The following DLGAP1 variants were observed in gnomAD, a reference collection of about 807,000 sequenced individuals.
DLGAP1 encodes DLG associated protein 1.
A neutral mutation model predicts 90.8 loss-of-function variants in DLGAP1; 11 were observed. The ratio of observed to expected loss-of-function variants is 0.12; its 90% CI spans 0.08 to 0.20. The LOEUF is 0.20. Ranked by LOEUF, DLGAP1 falls within the 10% of genes least tolerant of loss-of-function variation. The probability of loss-of-function intolerance (pLI) is 1.00; values close to 1 mark genes in which losing one functional copy is unlikely to be tolerated. For missense variants in DLGAP1, 1,050 were observed against 1,333.8 expected (o/e 0.79, Z 3.31); for synonymous variants, 558 against 540.7 (o/e 1.03, Z -0.44).
intron 1 of DLGAP1, among the ~76,000 whole-genome samples, chr18:4,375,869 C>G (rs931334033): frequency 2.6e-5 from 4 of 151,088 alleles, no homozygotes; most frequent in Non-Finnish European, 5.9e-5. Context: ...TTAAGACTAT[C>G]CATACATCAA....
chr18:4,194,101 C>T (rs2077450251), intron 1 of DLGAP1, among the ~76,000 whole-genome samples: 1 of 152,034 alleles, frequency 6.6e-6, no homozygotes, highest in Non-Finnish European at 1.5e-5. Flanking sequence ...TACAATTAAT[C>T]CTCTCACCCA....
intron 3 of DLGAP1, among the ~76,000 whole-genome samples, chr18:3,932,585 A>C (rs954273164): frequency 1.2e-4 from 19 of 152,264 alleles, no homozygotes; most frequent in African/African-American, 4.6e-4. Flanking sequence ...ATGGGGAGAA[A>C]GTATGAAATG....
chr18:3,684,356 A>ATTTTTTTTT (rs71160911), intron 7 of DLGAP1, among the ~76,000 whole-genome samples: 1 of 109,248 alleles, frequency 9.2e-6, no homozygotes, highest in East Asian at 2.8e-4. Context: ...TGCCTGGCTA[A>ATTTTTTTTT]TTTTTTTTTT....
chr18:3,788,906 A>C (rs1463947665), intron 5 of DLGAP1, among the ~76,000 whole-genome samples: 1 of 152,268 alleles, frequency 6.6e-6, no homozygotes, highest in Admixed American at 6.5e-5. Flanking sequence ...GCTGAAAACA[A>C]ACAACAGCCA....
intron 8 of DLGAP1, among the ~76,000 whole-genome samples, chr18:3,577,519 AAAACTATC>A (rs1192629862): frequency 6.6e-6 from 1 of 152,250 alleles, no homozygotes; most frequent in Non-Finnish European, 1.5e-5. Flanking sequence ...GCGGTGGTAT[AAAACTATC>A]CAATGAAATT....
Position 4,353,209 on chromosome 18 carries a change from T to C in DLGAP1, c.-267+101797A>G, listed in dbSNP as rs1272287490. 2.6e-5 allele frequency among the ~76,000 whole-genome samples: 4 copies of C among 152,288 alleles called. No individual in the cohort carries two copies. In the East Asian group the frequency reaches 7.7e-4, roughly 29 times the overall value. ...AACACTTGGCTGTTTATCTCCTCCT[T>C]TGTTTTGCTTTGTTTTATCTTGTTC... On this transcript the variant is annotated intron_variant, in intron 1 of 12. Coordinates refer to ENST00000315677, the MANE Select transcript of DLGAP1 (RefSeq NM_004746.4).
At chr18:3,785,000 TTAAAAAAAA>T (rs1163990469) in intron 5 of DLGAP1, among the ~76,000 whole-genome samples, 4 of 152,070 alleles carry the variant, frequency 2.6e-5, no homozygotes, top group African/African-American at 9.7e-5. Context: ...ACTTCTCCCT[TTAAAAAAAA>T]TCCACCTTAC....
intron 5 of DLGAP1, among the ~76,000 whole-genome samples, chr18:3,794,526 A>G (rs2065889776): frequency 6.6e-6 from 1 of 152,238 alleles, no homozygotes; most frequent in African/African-American, 2.4e-5. Flanking sequence ...GGATGCTGTC[A>G]GTCAGCACTG....
chr18:3,814,521 C>T (rs2067002909), intron 4 of DLGAP1, among the ~76,000 whole-genome samples: 4 of 152,006 alleles, frequency 2.6e-5, no homozygotes, highest in Admixed American at 2.6e-4. Context: ...GCCACCACGC[C>T]TGGCTAATTA....
intron 3 of DLGAP1, among the ~76,000 whole-genome samples, chr18:3,980,347 T>C (rs2073699773): frequency 6.6e-6 from 1 of 152,104 alleles, no homozygotes; most frequent in African/African-American, 2.4e-5. Context: ...AGTTCCAAAC[T>C]GGAGCATAGA....
intron 3 of DLGAP1, among the ~76,000 whole-genome samples, chr18:3,952,774 T>C (rs1340002366): frequency 1.3e-5 from 2 of 152,218 alleles, no homozygotes; most frequent in Non-Finnish European, 2.9e-5. Context: ...TGAACAGTTG[T>C]CTTTATTGCT....
chr18:3,560,650 C>T (rs113983800), intron 9 of DLGAP1, among the ~76,000 whole-genome samples: 1,704 of 149,218 alleles, frequency 0.011, 149 homozygotes, highest in African/African-American at 0.04. Flanking sequence ...CAGCAAGCTG[C>T]ACATTTTTTT....
At chr18:4,325,958 A>G (rs1170929590) in intron 1 of DLGAP1, among the ~76,000 whole-genome samples, 4 of 152,216 alleles carry the variant, frequency 2.6e-5, no homozygotes, top group African/African-American at 9.6e-5. Context: ...CTTGGCAAAG[A>G]TTTCATGATG....
chr18:3,968,139 C>T (rs992968092), intron 3 of DLGAP1, among the ~76,000 whole-genome samples: 11 of 152,168 alleles, frequency 7.2e-5, no homozygotes, highest in African/African-American at 2.4e-4. Context: ...ATGAAGGAGA[C>T]ATAACTGCTC....
intron 2 of DLGAP1, among the ~76,000 whole-genome samples, chr18:4,149,118 A>C (rs747035830): frequency 6.6e-5 from 10 of 152,236 alleles, no homozygotes; most frequent in Non-Finnish European, 1.3e-4. Flanking sequence ...TAAATGAAAC[A>C]ATATAAAGCG....
Position 3,660,481 on chromosome 18 carries a change from T to C in DLGAP1, c.1591+68654A>G, listed in dbSNP as rs1368312231. 6.6e-6 allele frequency among the ~76,000 whole-genome samples: 1 copy of C among 152,208 alleles called. No individual in the cohort carries two copies. Among genetic ancestry groups the C allele is most frequent in the Non-Finnish European group, 1.5e-5 (1 of 68,036 alleles). ...CTCCTCTGCCCAGAAATTTGTAGCA[T>C]AGAGCAAACACACAAAAAATATTTA... On this transcript the variant is annotated intron_variant, in intron 7 of 12. Transcript: ENST00000315677. The surrounding 1 kb of genome is among the most constrained non-coding windows in gnomAD (Gnocchi z 4.2).
At chr18:4,082,479 C>T (rs941516832) in intron 2 of DLGAP1, among the ~76,000 whole-genome samples, 1 of 128,320 alleles carries the variant, frequency 7.8e-6, no homozygotes. Flanking sequence ...CCACTGCACT[C>T]CAGTCTGGGT....
chr18:3,548,857 C>T (rs561304108), intron 9 of DLGAP1, among the ~76,000 whole-genome samples: 7 of 151,974 alleles, frequency 4.6e-5, no homozygotes, highest in South Asian at 4.2e-4. Flanking sequence ...GCAAACATGG[C>T]GAAACCCCCT....
rs541289215 is a variant in DLGAP1, at chr18:3,819,330, TAAGA to T, written c.958-5061_958-5058del. On this transcript the variant is annotated intron_variant, in intron 4 of 12. Transcript: ENST00000315677. ...ATTGTCCCAACATTTTTTGTGTCAC[TAAGA>T]AAGAAATAAACATCATCAATAAATT... 5.0e-4 allele frequency among the ~76,000 whole-genome samples: 76 copies of T among 152,248 alleles called. No homozygotes were observed. In the South Asian group the frequency reaches 5.4e-3, roughly 11 times the overall value.
Sources: allele counts gnomAD v4.1 joint callset (sites outside exome capture counted in the v4.1 genomes callset), GRCh38; gene constraint gnomAD v4.1.1; non-coding constraint Gnocchi (gnomAD v3.1); transcripts MANE v1.5; gene names NCBI Gene and HGNC (gene_info 2026-07-23, HGNC 2026-07-21).